AUTS2: variants seen among roughly 807,000 people sequenced by gnomAD.
The protein encoded by AUTS2 is autism susceptibility gene 2 protein.
In AUTS2, 17 loss-of-function variants were observed where a neutral mutation model predicts 112.4. The ratio of observed to expected loss-of-function variants is 0.15; its 90% CI spans 0.10 to 0.23. The LOEUF (loss-of-function observed/expected upper bound fraction) is 0.23, where lower values mean the gene tolerates loss of function less well. Among genes scored for constraint, AUTS2 ranks in the 10% least tolerant of loss-of-function variants. AUTS2 has a pLI of 1.00. For missense variants in AUTS2, 1,510 were observed against 1,701.6 expected, an observed-to-expected ratio of 0.89 and a Z score of 1.98; for synonymous variants, 751 against 702.7, an observed-to-expected ratio of 1.07 and a Z score of -1.09.
intron 4 of AUTS2, among the ~76,000 whole-genome samples, chr7:70,310,561 A>C (rs1041443121): frequency 4.6e-5 from 7 of 151,752 alleles, no homozygotes; most frequent in Admixed American, 3.3e-4. Flanking sequence ...TGCAGTGAGC[A>C]GAGGTCGAGC....
intron 5 of AUTS2, among the ~76,000 whole-genome samples, chr7:70,625,765 A>G (rs1369855526): frequency 2.0e-5 from 3 of 152,242 alleles, no homozygotes; most frequent in Non-Finnish European, 2.9e-5. Context: ...TCGTGGCTAT[A>G]GATAGGTGAG....
chr7:69,926,923 ATC>A (rs1321416070), intron 2 of AUTS2, among the ~76,000 whole-genome samples: 1 of 146,782 alleles, frequency 6.8e-6, no homozygotes, highest in South Asian at 2.1e-4. Context: ...TATAGTATAT[ATC>A]TATCATATCT....
chr7:69,796,420 G>C (rs763349091), intron 1 of AUTS2, among the ~76,000 whole-genome samples: 1 of 152,142 alleles, frequency 6.6e-6, no homozygotes, highest in Non-Finnish European at 1.5e-5. Context: ...CTACTTGGAA[G>C]GCTGAGGTGG....
intron 2 of AUTS2, among the ~76,000 whole-genome samples, chr7:70,076,405 G>C (rs539295098): frequency 6.6e-6 from 1 of 152,244 alleles, no homozygotes; most frequent in East Asian, 1.9e-4. Flanking sequence ...GTAGTGAAAA[G>C]ATGTTGAACA....
At chr7:70,211,081 CGT>C (rs1042083623) in intron 4 of AUTS2, among the ~76,000 whole-genome samples, 1 of 152,054 alleles carries the variant, frequency 6.6e-6, no homozygotes, top group African/African-American at 2.4e-5. Flanking sequence ...CGGAGAGTAT[CGT>C]GTGTCTTATG....
chr7:69,917,632 A>G (rs1030379527), intron 2 of AUTS2, among the ~76,000 whole-genome samples: 1 of 152,000 alleles, frequency 6.6e-6, no homozygotes, highest in Non-Finnish European at 1.5e-5. Context: ...TAGTTACAAT[A>G]TATTGTTTTT....
chr7:70,049,069 T>G lies in AUTS2; in HGVS notation c.523-69063T>G, dbSNP rs184090842. ...GTCTCAGCCTCCAGGTAGCTGGGAC[T>G]ATAGGTACACACCACCACCATCCTC... On this transcript the variant is annotated intron_variant, in intron 2 of 18. Coordinates refer to ENST00000342771, the MANE Select transcript of AUTS2 (RefSeq NM_015570.4). Among the ~76,000 whole-genome samples the G allele has an allele frequency of 8.7e-3, 1,321 of 152,330 alleles. 12 individuals are homozygous for G. The highest frequency in any genetic ancestry group is 0.027 in the Middle Eastern group (8 of 294).
chr7:69,854,579 C>G (rs894994457), intron 1 of AUTS2, among the ~76,000 whole-genome samples: 4 of 152,032 alleles, frequency 2.6e-5, no homozygotes, highest in African/African-American at 9.7e-5. Context: ...CTGTGTGTTT[C>G]TTAATGTTCC....
chr7:70,518,576 T>C (rs1585246139), intron 5 of AUTS2, among the ~76,000 whole-genome samples: 1 of 151,364 alleles, frequency 6.6e-6, no homozygotes, highest in East Asian at 2.0e-4. Flanking sequence ...CCCAGCTACT[T>C]GGGAGGCTAA....
At chr7:70,008,309 A>G (rs1395856239) in intron 2 of AUTS2, among the ~76,000 whole-genome samples, 2 of 152,136 alleles carry the variant, frequency 1.3e-5, no homozygotes, top group East Asian at 1.9e-4. Context: ...CAAATCTGAA[A>G]TTTATTTTAA....
chr7:70,775,792 C>A (rs1441375671), intron 13 of AUTS2, among the ~76,000 whole-genome samples: 2 of 152,120 alleles, frequency 1.3e-5, no homozygotes, highest in East Asian at 3.9e-4. Context: ...ATTGACTTGC[C>A]ATAGCCGTTT....
intron 4 of AUTS2, among the ~76,000 whole-genome samples, chr7:70,247,539 A>G (rs1812990142): frequency 6.6e-6 from 1 of 152,186 alleles, no homozygotes; most frequent in African/African-American, 2.4e-5. Context: ...ATATTTTACC[A>G]CAATAAAAAT....
intron 2 of AUTS2, among the ~76,000 whole-genome samples, chr7:70,085,619 G>A (rs1446658260): frequency 2.0e-5 from 3 of 151,946 alleles, no homozygotes; most frequent in South Asian, 2.1e-4. Context: ...CACCTGCCTC[G>A]CCCTCCCAAA....
chr7:70,133,212 G>A (rs7788868), intron 3 of AUTS2, among the ~76,000 whole-genome samples: 15,149 of 152,204 alleles, frequency 0.1, 804 homozygotes, highest in Admixed American at 0.13. Context: ...ATGCCTTGAA[G>A]CATACTGTTC....
chr7:70,039,061 G>C (rs1172877448), intron 2 of AUTS2, among the ~76,000 whole-genome samples: 1 of 151,626 alleles, frequency 6.6e-6, no homozygotes, highest in Non-Finnish European at 1.5e-5. Flanking sequence ...ACCTGGCCAG[G>C]TTTCTTATTT....
intron 2 of AUTS2, among the ~76,000 whole-genome samples, chr7:70,083,373 A>G (rs1332767114): frequency 6.6e-6 from 1 of 152,278 alleles, no homozygotes; most frequent in Middle Eastern, 3.4e-3. Context: ...AGTTGCCTCT[A>G]TCTACTTTAG....
At chr7:70,606,153 C>T (rs1257426749) in intron 5 of AUTS2, among the ~76,000 whole-genome samples, 1 of 152,218 alleles carries the variant, frequency 6.6e-6, no homozygotes, top group Non-Finnish European at 1.5e-5. Context: ...TTCACACACG[C>T]TTTTTGGGCG....
intron 1 of AUTS2, among the ~76,000 whole-genome samples, chr7:69,771,010 A>G (rs1447526323): frequency 1.3e-5 from 2 of 152,106 alleles, no homozygotes; most frequent in African/African-American, 4.8e-5. Context: ...TCACCCGCCA[A>G]CTCCTTAGTT....
At chr7:70,183,275 A>T (rs933332440) in intron 4 of AUTS2, among the ~76,000 whole-genome samples, 3 of 152,064 alleles carry the variant, frequency 2.0e-5, no homozygotes, top group African/African-American at 7.2e-5. Flanking sequence ...TTACACTGGG[A>T]TTGGAGGCTG....
Sources: allele counts gnomAD v4.1 joint callset (sites outside exome capture counted in the v4.1 genomes callset), GRCh38; gene constraint gnomAD v4.1.1; transcripts MANE v1.5; gene names NCBI Gene and HGNC (gene_info 2026-07-23, HGNC 2026-07-21).